HMGN5: variants seen among roughly 807,000 people sequenced by gnomAD.
The protein encoded by HMGN5 is high mobility group nucleosome-binding domain-containing protein 5.
In HMGN5, 4 loss-of-function variants were observed where a neutral mutation model predicts 9.5. The observed-to-expected ratio is 0.42, with a 90% confidence interval of 0.21 to 0.96. HMGN5 has a LOEUF of 0.96. Among genes scored for constraint, HMGN5 ranks in the 40% least tolerant of loss-of-function variants. The pLI is 0.30. For missense variants in HMGN5, 192 were observed against 187.5 expected, an observed-to-expected ratio of 1.02 and a Z score of -0.14; for synonymous variants, 55 against 57.1, an observed-to-expected ratio of 0.96 and a Z score of 0.16.
intron 1 of HMGN5, among the ~76,000 whole-genome samples, chrX:81,142,377 A>C (rs940172906): frequency 1.8e-5 from 2 of 111,932 alleles, no homozygotes; most frequent in African/African-American, 6.5e-5. Context: ...ATACAACACC[A>C]AGCAGATTTA....
chrX:81,183,920 T>C (rs1020734723), intron 1 of HMGN5, among the ~76,000 whole-genome samples: 13 of 112,344 alleles, frequency 1.2e-4, no homozygotes, highest in African/African-American at 4.2e-4. Context: ...TTTTTTATTT[T>C]ACAGGCTCTT....
At chrX:81,145,671 T>C (rs1377235616) in intron 1 of HMGN5, among the ~76,000 whole-genome samples, 1 of 111,343 alleles carries the variant, frequency 9.0e-6, no homozygotes, top group Non-Finnish European at 1.9e-5. Flanking sequence ...TAAATGTAAA[T>C]CAGCTAAATG....
intron 1 of HMGN5, among the ~76,000 whole-genome samples, chrX:81,162,673 C>G (rs1177941205): frequency 9.0e-6 from 1 of 110,931 alleles, no homozygotes; most frequent in Non-Finnish European, 1.9e-5. Flanking sequence ...GTAACTTTAG[C>G]TTGCATGTCT....
At chrX:81,172,676 T>A (rs1442055781) in intron 1 of HMGN5, among the ~76,000 whole-genome samples, 3 of 109,876 alleles carry the variant, frequency 2.7e-5, no homozygotes, top group African/African-American at 6.6e-5. Flanking sequence ...ACTGATAATA[T>A]CAACTACTTT....
In HMGN5 at chrX:81,116,159, T is replaced by C. The variant is rs113583771; in HGVS notation, c.267+45A>G. ...ATAGGATTTCTTTCAGTTGTACCCA[T>C]TGTTAAACTTTCAAATAGATAAAAC... On this transcript the variant is annotated intron_variant, in intron 6 of 6. Coordinates refer to ENST00000358130, the MANE Select transcript of HMGN5 (RefSeq NM_030763.3). The C allele has an allele frequency of 1.5e-4, 152 of 1,008,443 alleles. No individual in the cohort carries two copies. In the African/African-American group the frequency reaches 2.4e-3, roughly 16 times the overall value. The allele number at this position is 1,008,443 out of a possible 1,213,427, so 83.1% of individuals were successfully genotyped here.
At chrX:81,130,346 T>C (rs2075295182) in intron 1 of HMGN5, among the ~76,000 whole-genome samples, 1 of 111,751 alleles carries the variant, frequency 8.9e-6, no homozygotes, top group South Asian at 3.7e-4. Context: ...TCTTACCATG[T>C]ATAAAGTACT....
chrX:81,167,341 C>G (rs1047260004), intron 1 of HMGN5, among the ~76,000 whole-genome samples: 2 of 110,296 alleles, frequency 1.8e-5, no homozygotes, highest in African/African-American at 6.6e-5. Flanking sequence ...GCCTTCTACA[C>G]CTTGGGGATT....
chrX:81,133,280 G>T (rs1378056187), intron 1 of HMGN5, among the ~76,000 whole-genome samples: 1 of 111,689 alleles, frequency 9.0e-6, no homozygotes, highest in Non-Finnish European at 1.9e-5. Context: ...TTCAACCATT[G>T]TGGAAGACAG....
At chrX:81,153,633 ATATATAT>A (rs2075374775) in intron 1 of HMGN5, among the ~76,000 whole-genome samples, 1 of 44,548 alleles carries the variant, frequency 2.2e-5, no homozygotes, top group African/African-American at 8.8e-5. Context: ...ATATATATAT[ATATATAT>A]GTATCTCCTT....
chrX:81,195,599 T>C (rs1381506167), intron 1 of HMGN5, among the ~76,000 whole-genome samples: 1 of 111,561 alleles, frequency 9.0e-6, no homozygotes, highest in Non-Finnish European at 1.9e-5. Context: ...TTCCACCCTA[T>C]CCCTATCCTG....
intron 1 of HMGN5, among the ~76,000 whole-genome samples, chrX:81,127,302 A>G (rs2075286582): frequency 8.9e-6 from 1 of 111,797 alleles, no homozygotes; most frequent in African/African-American, 3.2e-5. Context: ...TGCCTATATG[A>G]GACAAGAGCC....
intron 1 of HMGN5, among the ~76,000 whole-genome samples, chrX:81,178,263 A>G (rs2075449176): frequency 9.0e-6 from 1 of 111,671 alleles, no homozygotes; most frequent in African/African-American, 3.3e-5. Context: ...TAAAAAATCA[A>G]TGAATCCATG....
intron 1 of HMGN5, among the ~76,000 whole-genome samples, chrX:81,148,285 A>G (rs1470744720): frequency 8.9e-6 from 1 of 112,070 alleles, no homozygotes; most frequent in Non-Finnish European, 1.9e-5. Flanking sequence ...AAACAGATAT[A>G]TAGACCAATG....
chrX:81,152,000 G>C (rs1360645806), intron 1 of HMGN5, among the ~76,000 whole-genome samples: 2 of 111,529 alleles, frequency 1.8e-5, no homozygotes, highest in Admixed American at 1.9e-4. Context: ...AATTCAAGAT[G>C]GATTAAAGAC....
intron 1 of HMGN5, among the ~76,000 whole-genome samples, chrX:81,157,042 C>G: frequency 8.9e-6 from 1 of 111,803 alleles, no homozygotes; most frequent in South Asian, 3.8e-4. Context: ...TAGTGGGTCT[C>G]TCTTGGAAGC....
chrX:81,183,391 G>A (rs1274426120), intron 1 of HMGN5, among the ~76,000 whole-genome samples: 2 of 112,606 alleles, frequency 1.8e-5, no homozygotes, highest in East Asian at 2.8e-4. Context: ...GCCAGACCCA[G>A]GGCCCCGCTG....
chrX:81,200,118 C>G (rs1214645850), intron 1 of HMGN5, among the ~76,000 whole-genome samples: 1 of 112,451 alleles, frequency 8.9e-6, no homozygotes, highest in Non-Finnish European at 1.9e-5. Context: ...CAGACATATG[C>G]AAAAATGCTC....
chrX:81,186,033 ATTT>A (rs1309710144), intron 1 of HMGN5, among the ~76,000 whole-genome samples: 1 of 111,479 alleles, frequency 9.0e-6, no homozygotes, highest in African/African-American at 3.3e-5. Flanking sequence ...TTTGTTGAGT[ATTT>A]TTGTGTCAAT....
intron 2 of HMGN5, among the ~76,000 whole-genome samples, chrX:81,120,165 C>G (rs996172776): frequency 8.9e-6 from 1 of 111,889 alleles, no homozygotes; most frequent in Non-Finnish European, 1.9e-5. Flanking sequence ...CAAATGAAGG[C>G]GGAGCTTCAT....
Sources: gnomAD v4.1 joint callset for allele counts (sites outside exome capture counted in the v4.1 genomes callset) on GRCh38, gnomAD v4.1.1 for gene constraint, MANE v1.5 for transcripts, NCBI Gene and HGNC (gene_info 2026-07-23, HGNC 2026-07-21) for gene names.